The following SLC29A4 variants were observed in gnomAD, a reference collection of about 807,000 sequenced individuals.
SLC29A4 encodes solute carrier family 29 member 4.
SLC29A4 carries 36 observed loss-of-function variants against 43.9 expected under a neutral mutation model. That is an observed-to-expected ratio of 0.82 (90% CI 0.63 to 1.08). The LOEUF (loss-of-function observed/expected upper bound fraction) is 1.08, where lower values mean the gene tolerates loss of function less well. Among genes scored for constraint, SLC29A4 ranks in the 50% least tolerant of loss-of-function variants. SLC29A4 has a pLI of 0.00. For missense variants in SLC29A4, 869 were observed against 755.3 expected (o/e 1.15, Z -1.77); for synonymous variants, 491 against 338.0 (o/e 1.45, Z -4.97).
intron 7 of SLC29A4, 43 bp downstream of exon 7, chr7:5,297,241 T>G (rs1305036430): frequency 4.3e-6 from 6 of 1,399,612 alleles, no homozygotes; most frequent in South Asian, 2.9e-5. Context: ...TCTGTCCCCT[T>G]CTCTGTCCCC....
At chr7:5,294,302 G>T (rs1270523534) in intron 5 of SLC29A4, among the ~76,000 whole-genome samples, 1 of 152,140 alleles carries the variant, frequency 6.6e-6, no homozygotes, top group African/African-American at 2.4e-5. Context: ...GGCTGGATTT[G>T]CTAGACTCCA....
At position 5,305,892 on chromosome 7, in the gene SLC29A4, C is replaced by T. The variant is rs1412440015; in HGVS notation, c.*2953C>T. ...GAGATGGAATCTCGTTATGTCACCC[C>T]AGCTGGAGGGCAGTGGCACGATCTC... On this transcript the variant is annotated 3_prime_UTR_variant, in exon 11 of 11. Coordinates refer to ENST00000396872, the MANE Select transcript of SLC29A4 (RefSeq NM_153247.4). The T allele has an allele frequency of 6.7e-6, 1 of 149,536 alleles. No homozygotes were observed. Among genetic ancestry groups the T allele is most frequent in the East Asian group, 2.0e-4 (1 of 5,008 alleles). 9.3% of individuals were successfully genotyped at this position (149,536 alleles called of 1,614,324 possible).
intron 1 of SLC29A4, among the ~76,000 whole-genome samples, chr7:5,284,048 C>G (rs768897284): frequency 7.8e-6 from 1 of 128,900 alleles, no homozygotes; most frequent in Non-Finnish European, 1.7e-5. Flanking sequence ...CCCCCCACCC[C>G]CGACTTGGCC....
Position 5,305,076 on chromosome 7 carries a change from A to C in SLC29A4, c.*2137A>C, listed in dbSNP as rs1786415326. 1 of 152,230 alleles carries C rather than the reference A, an allele frequency of 6.6e-6. No individual in the cohort carries two copies. Among genetic ancestry groups the C allele is most frequent in the Non-Finnish European group, 1.5e-5 (1 of 68,082 alleles). 9.4% of individuals were successfully genotyped at this position (152,230 alleles called of 1,614,324 possible). A position where few individuals can be genotyped will look rare whatever the true frequency, so the allele number is the denominator to read the frequency against. ...AGTGTTCCCCCTGCCTTGGCCTCCCAAAGTGCCAGGATTACAGGTATGAGT... is the reference window on the plus strand; with the variant it reads ...AGTGTTCCCCCTGCCTTGGCCTCCCCAAGTGCCAGGATTACAGGTATGAGT... On this transcript the variant is annotated 3_prime_UTR_variant, in exon 11 of 11. Transcript: ENST00000396872.
At chr7:5,289,966 A>C (rs1461270942) in intron 2 of SLC29A4, among the ~76,000 whole-genome samples, 7 of 151,790 alleles carry the variant, frequency 4.6e-5, no homozygotes, top group Non-Finnish European at 7.4e-5. Flanking sequence ...GCTCACTGCA[A>C]CCTCCACCTC....
In SLC29A4 at chr7:5,297,195, C is replaced by A. The variant is rs748076860; in HGVS notation, c.879C>A (p.His293Gln). ...ACGACGTTGTCGCCGGGGACGTCCA[C>A]TTCGTAAGTGCGCACCGCCCACCTC... ...VHHDVVAGDVHFEHPAPALAP... is the reference protein window; with the variant it reads ...VHHDVVAGDVQFEHPAPALAP... Residue 293 changes from histidine to glutamine, a missense_variant, in exon 7 of 11, where the codon CAC (histidine) becomes CAA (glutamine). His to Gln is a conservative substitution (Grantham distance 24). Coordinates refer to ENST00000396872, the MANE Select transcript of SLC29A4 (RefSeq NM_153247.4). 1 of 1,584,762 alleles carries A rather than the reference C, an allele frequency of 6.3e-7. No homozygotes were observed. The highest frequency in any genetic ancestry group is 2.2e-5 in the East Asian group (1 of 44,558).
chr7:5,295,241 T>G (rs969197783), intron 6 of SLC29A4, among the ~76,000 whole-genome samples: 1 of 151,910 alleles, frequency 6.6e-6, no homozygotes, highest in African/African-American at 2.4e-5. Flanking sequence ...GTTTGGTAAG[T>G]CTGCGTGTGC....
In SLC29A4 at chr7:5,299,859, C is replaced by G. The variant is rs1297156934; in HGVS notation, c.1209+432C>G. ...TTGAGGCCAGGAGTTCTAGACCAAC[C>G]TTGCCAACATGGTGAAACCCCGTGT... On this transcript the variant is annotated intron_variant, in intron 9 of 10. Transcript: ENST00000396872. Among the ~76,000 whole-genome samples the G allele has an allele frequency of 2.6e-5, 4 of 152,328 alleles. No individual in the cohort carries two copies. The East Asian group carries it at 7.7e-4, about 29-fold the overall frequency.
chr7:5,302,296 C>T (rs1010027719), intron 10 of SLC29A4, among the ~76,000 whole-genome samples: 11 of 152,170 alleles, frequency 7.2e-5, no homozygotes, highest in African/African-American at 2.4e-4. Context: ...GGCTCACTGG[C>T]TCAGGACGGT....
chr7:5,292,323 A>C (rs768006635), intron 5 of SLC29A4, among the ~76,000 whole-genome samples: 1 of 152,176 alleles, frequency 6.6e-6, no homozygotes, highest in African/African-American at 2.4e-5. Context: ...TGTGTTGCCC[A>C]GGCTAGTCTT....
chr7:5,288,019 C>G, intron 2 of SLC29A4, 34 bp downstream of exon 2: 1 of 1,577,492 alleles, frequency 6.3e-7, no homozygotes, highest in Non-Finnish European at 8.6e-7. Context: ...GCGGGTCTTG[C>G]CCCAAAGCAG....
chr7:5,296,217 T>G (rs1190148446), intron 6 of SLC29A4, among the ~76,000 whole-genome samples: 2 of 152,002 alleles, frequency 1.3e-5, no homozygotes, highest in Non-Finnish European at 2.9e-5. Flanking sequence ...CCCCCACCTC[T>G]GCGCGCCCTC....
chr7:5,290,704 C>T (rs1250982101), intron 2 of SLC29A4, 28 bp from the exon 3 acceptor site: 3 of 1,591,596 alleles, frequency 1.9e-6, no homozygotes, highest in African/African-American at 1.3e-5. Flanking sequence ...GGAGCGTGCC[C>T]CGTCTCACCT....
intron 9 of SLC29A4, among the ~76,000 whole-genome samples, 158 bp downstream of exon 9, chr7:5,299,585 C>T (rs768161146): frequency 6.6e-6 from 1 of 152,148 alleles, no homozygotes; most frequent in Non-Finnish European, 1.5e-5. Context: ...GGACAGTGTC[C>T]TCTGGAGGGC....
chr7:5,286,737 G>A (rs1022729570), intron 1 of SLC29A4, among the ~76,000 whole-genome samples: 4 of 152,232 alleles, frequency 2.6e-5, no homozygotes, highest in African/African-American at 9.6e-5. Context: ...AGGGTGGTTG[G>A]CCCCAGGACC....
At chr7:5,291,465 C>T (rs771286809) in intron 4 of SLC29A4, among the ~76,000 whole-genome samples, 1 of 152,246 alleles carries the variant, frequency 6.6e-6, no homozygotes, top group South Asian at 2.1e-4. Flanking sequence ...TGTGTTCTTC[C>T]TTTCCCATTC....
Position 5,294,918 on chromosome 7 carries a change from G to A in SLC29A4, c.603G>A (p.Gly201=), listed in dbSNP as rs371521818. Residue 201 remains glycine (G), a synonymous_variant, in exon 6 of 11, where the codon GGG becomes GGA. Coordinates refer to ENST00000396872, the MANE Select transcript of SLC29A4 (RefSeq NM_153247.4). ...TGCTGCCCAAGCGGTACACGCAGGG[G>A]GTGATGACCGGGGAGAGTGAGTATC... is the stretch of plus-strand genomic sequence containing the variant. ...TGMLPKRYTQ[G]VMTGESTAGV... is the part of the protein sequence containing the mutation. 2 of 1,608,954 alleles carry A rather than the reference G, an allele frequency of 1.2e-6. No homozygotes were observed. The highest frequency in any genetic ancestry group is 1.7e-6 in the Non-Finnish European group (2 of 1,178,428).
chr7:5,293,846 C>G (rs1583662589), intron 5 of SLC29A4, among the ~76,000 whole-genome samples: 1 of 152,258 alleles, frequency 6.6e-6, no homozygotes, highest in East Asian at 1.9e-4. Context: ...GTGGCTCATG[C>G]TTGTAATCCC....
intron 1 of SLC29A4, among the ~76,000 whole-genome samples, chr7:5,283,417 G>A (rs1321845638): frequency 1.2e-4 from 18 of 151,864 alleles, no homozygotes; most frequent in Admixed American, 1.2e-3. Flanking sequence ...TGCCCCCGCC[G>A]GCCCCTTCCT....
Sources: allele counts gnomAD v4.1 joint callset (sites outside exome capture counted in the v4.1 genomes callset), GRCh38; gene constraint gnomAD v4.1.1; transcripts MANE v1.5; gene names NCBI Gene and HGNC (gene_info 2026-07-23, HGNC 2026-07-21).